RAB31: variants seen among roughly 807,000 people sequenced by gnomAD.
RAB31 encodes the protein ras-related protein Rab-31.
In RAB31, 21 loss-of-function variants were observed where a neutral mutation model predicts 25.6. That is an observed-to-expected ratio of 0.82 (90% CI 0.58 to 1.18). The LOEUF (loss-of-function observed/expected upper bound fraction) is 1.18, where lower values mean the gene tolerates loss of function less well. RAB31 is among the 50% of genes most tolerant of loss of function. The pLI is 0.00. For missense variants in RAB31, 196 were observed against 250.1 expected, an observed-to-expected ratio of 0.78 and a Z score of 1.46; for synonymous variants, 87 against 84.0, an observed-to-expected ratio of 1.04 and a Z score of -0.20.
chr18:9,848,557 A>T (rs970146269), intron 6 of RAB31, among the ~76,000 whole-genome samples: 2 of 152,220 alleles, frequency 1.3e-5, no homozygotes. Flanking sequence ...AATTCCAAGT[A>T]CACCTAAATA....
chr18:9,849,599 C>T (rs1347223361), intron 6 of RAB31: 2 of 152,534 alleles, frequency 1.3e-5, no homozygotes, highest in South Asian at 4.1e-4. Context: ...ACAGTCAGAT[C>T]GGTGTCTGGT....
At chr18:9,749,984 T>C (rs9966247) in intron 1 of RAB31, among the ~76,000 whole-genome samples, 79,596 of 151,964 alleles carry the variant, frequency 0.52, 21,801 homozygotes, top group African/African-American at 0.7. Context: ...TCTTTCTTTT[T>C]GTCTCACTGT....
intron 1 of RAB31, among the ~76,000 whole-genome samples, chr18:9,709,761 G>C (rs1173899630): frequency 6.6e-6 from 1 of 152,196 alleles, no homozygotes; most frequent in African/African-American, 2.4e-5. Context: ...GCCACAGCCA[G>C]GATCTAGTCT....
intron 6 of RAB31, among the ~76,000 whole-genome samples, chr18:9,854,072 ATCTAGGT>A (rs2068803266): frequency 6.6e-6 from 1 of 150,562 alleles, no homozygotes; most frequent in South Asian, 2.1e-4. Context: ...TCAACACGTC[ATCTAGGT>A]TTTAAGCCCT....
intron 2 of RAB31, among the ~76,000 whole-genome samples, chr18:9,780,280 G>C (rs1173166734): frequency 2.0e-5 from 3 of 149,748 alleles, no homozygotes; most frequent in Non-Finnish European, 4.4e-5. Context: ...TTTACTCTGT[G>C]TTTTCTACTT....
rs756549244 is a variant in RAB31 at position 9,814,097 on chromosome 18, A to T, written c.273+6A>T. 2.6e-6 allele frequency: 4 copies of T among 1,556,450 alleles called. No homozygotes were observed. The highest frequency in any genetic ancestry group is 2.7e-5 in the African/African-American group (2 of 73,934). ...TGTATGATATTACCAAGCAGGTAAG[A>T]ATGTCTCCTTCAGAATTTAGATGTC... On this transcript the variant is annotated splice_donor_region_variant and intron_variant, in intron 4 of 6. Coordinates refer to ENST00000578921, the MANE Select transcript of RAB31 (RefSeq NM_006868.4).
At chr18:9,710,913 C>T (rs1450830778) in intron 1 of RAB31, among the ~76,000 whole-genome samples, 1 of 128,082 alleles carries the variant, frequency 7.8e-6, no homozygotes, top group Non-Finnish European at 1.6e-5. Flanking sequence ...ACATTTGTGG[C>T]TTCCTTTTTT....
At chr18:9,799,957 G>T (rs2068505499) in intron 3 of RAB31, among the ~76,000 whole-genome samples, 1 of 152,120 alleles carries the variant, frequency 6.6e-6, no homozygotes, top group Non-Finnish European at 1.5e-5. Flanking sequence ...TTTTTATCCT[G>T]TCCTCTTGGA....
chr18:9,748,633 C>T (rs138191828), intron 1 of RAB31, among the ~76,000 whole-genome samples: 118 of 152,186 alleles, frequency 7.8e-4, no homozygotes, highest in African/African-American at 2.7e-3. Flanking sequence ...TGGCTCATGC[C>T]TGTAATCCCA....
chr18:9,727,900 T>C (rs948217392), intron 1 of RAB31, among the ~76,000 whole-genome samples: 1 of 152,236 alleles, frequency 6.6e-6, no homozygotes, highest in African/African-American at 2.4e-5. Context: ...ACACATTCAT[T>C]ATCTCACATA....
At chr18:9,774,978 G>A (rs2068364450) in intron 1 of RAB31, 1 of 537,992 alleles carries the variant, frequency 1.9e-6, no homozygotes. Flanking sequence ...CAAGATTTCA[G>A]AATTTCTGAA....
chr18:9,836,965 G>A (rs951737484), intron 5 of RAB31, among the ~76,000 whole-genome samples: 1 of 151,596 alleles, frequency 6.6e-6, no homozygotes, highest in Non-Finnish European at 1.5e-5. Flanking sequence ...TAGATGGGAA[G>A]AGTCAGTGTG....
chr18:9,741,141 C>T (rs568479961), intron 1 of RAB31, among the ~76,000 whole-genome samples: 5 of 151,868 alleles, frequency 3.3e-5, no homozygotes, highest in African/African-American at 1.2e-4. Flanking sequence ...TTTGGAAGGC[C>T]GAGGTGGGCG....
intron 5 of RAB31, among the ~76,000 whole-genome samples, chr18:9,817,804 T>C (rs972983463): frequency 1.3e-5 from 2 of 152,240 alleles, no homozygotes; most frequent in Non-Finnish European, 2.9e-5. Flanking sequence ...CTGATTCTTA[T>C]ATGTGCAATT....
At chr18:9,773,022 C>T (rs1039062312) in intron 1 of RAB31, among the ~76,000 whole-genome samples, 16 of 152,128 alleles carry the variant, frequency 1.1e-4, no homozygotes, top group African/African-American at 3.1e-4. Flanking sequence ...TTGATTCTGC[C>T]GTCACCTCTT....
At chr18:9,748,053 T>C (rs1459609080) in intron 1 of RAB31, among the ~76,000 whole-genome samples, 1 of 152,210 alleles carries the variant, frequency 6.6e-6, no homozygotes, top group African/African-American at 2.4e-5. Flanking sequence ...TTCGATGAGT[T>C]TCCTGAATAC....
At chr18:9,773,013 T>G (rs1216529937) in intron 1 of RAB31, among the ~76,000 whole-genome samples, 1 of 152,206 alleles carries the variant, frequency 6.6e-6, no homozygotes, top group Non-Finnish European at 1.5e-5. Context: ...GCTGATGTTT[T>G]GATTCTGCCG....
intron 1 of RAB31, among the ~76,000 whole-genome samples, chr18:9,770,803 G>A (rs1056577957): frequency 6.6e-6 from 1 of 151,736 alleles, no homozygotes; most frequent in Admixed American, 6.6e-5. Context: ...GCTATGCAAC[G>A]TGAAACCAGA....
At chr18:9,724,345 G>A (rs1366169639) in intron 1 of RAB31, among the ~76,000 whole-genome samples, 1 of 149,028 alleles carries the variant, frequency 6.7e-6, no homozygotes, top group Non-Finnish European at 1.5e-5. Flanking sequence ...ATTTACACAT[G>A]TTGCTACTGT....
Sources: gnomAD v4.1 joint callset for allele counts (sites outside exome capture counted in the v4.1 genomes callset) on GRCh38, gnomAD v4.1.1 for gene constraint, MANE v1.5 for transcripts, NCBI Gene and HGNC (gene_info 2026-07-23, HGNC 2026-07-21) for gene names.